Variants in LMX1A observed in about 807,000 individuals in gnomAD.
LMX1A encodes LIM homeobox transcription factor 1 alpha.
In LMX1A, 15 loss-of-function variants were observed where a neutral mutation model predicts 49.1. The ratio of observed to expected loss-of-function variants is 0.31; its 90% CI spans 0.20 to 0.47. The LOEUF (loss-of-function observed/expected upper bound fraction) is 0.47, where lower values mean the gene tolerates loss of function less well. Among genes scored for constraint, LMX1A ranks in the 20% least tolerant of loss-of-function variants. The pLI, the probability that LMX1A is intolerant of heterozygous loss-of-function variation, is 1.00. For missense variants in LMX1A, 372 were observed against 475.8 expected, an observed-to-expected ratio of 0.78 and a Z score of 2.03; for synonymous variants, 167 against 185.7, an observed-to-expected ratio of 0.90 and a Z score of 0.82.
At chr1:165,294,559 C>T (rs959152122) in intron 3 of LMX1A, among the ~76,000 whole-genome samples, 7 of 152,210 alleles carry the variant, frequency 4.6e-5, no homozygotes, top group African/African-American at 1.7e-4. Flanking sequence ...CCGGCAGTTT[C>T]TCTTCTAATA....
In LMX1A at chr1:165,248,510, T is replaced by C. The variant is rs143070464; in HGVS notation, c.496+898A>G. ...CATTCCATGTTTAATGTAGTCAGTG[T>C]TAATTTAATGTAATTTCTCTGACCT... On this transcript the variant is annotated intron_variant, in intron 4 of 8. Coordinates refer to ENST00000342310, the MANE Select transcript of LMX1A (RefSeq NM_177398.4). Among the ~76,000 whole-genome samples, 697 of 152,338 alleles carry C rather than the reference T, an allele frequency of 4.6e-3. 6 individuals carry two copies. The highest frequency in any genetic ancestry group is 0.016 in the African/African-American group (681 of 41,578).
chr1:165,240,633 A>G (rs921231167), intron 4 of LMX1A, among the ~76,000 whole-genome samples: 8 of 152,248 alleles, frequency 5.3e-5, no homozygotes, highest in African/African-American at 1.9e-4. Flanking sequence ...CTGGAAGGAC[A>G]TAAATAGATT....
intron 3 of LMX1A, among the ~76,000 whole-genome samples, chr1:165,269,667 G>A (rs780233838): frequency 6.6e-6 from 1 of 152,178 alleles, no homozygotes; most frequent in African/African-American, 2.4e-5. Flanking sequence ...TGGTAGATTG[G>A]ATTAAAAAAC....
intron 4 of LMX1A, among the ~76,000 whole-genome samples, chr1:165,243,627 C>T (rs547838910): frequency 1.3e-5 from 2 of 152,296 alleles, no homozygotes; most frequent in South Asian, 4.1e-4. Flanking sequence ...TCTTAGGGAG[C>T]ATTTCTGTCT....
At chr1:165,277,967 G>A (rs1557871483) in intron 3 of LMX1A, among the ~76,000 whole-genome samples, 1 of 152,210 alleles carries the variant, frequency 6.6e-6, no homozygotes, top group Admixed American at 6.5e-5. Flanking sequence ...AACTATAGTT[G>A]TAACAGCTAA....
Position 165,300,277 on chromosome 1 carries a change from G to A in LMX1A, c.264-50637C>T, listed in dbSNP as rs141343578. The stretch of plus-strand genomic sequence containing the variant: ...ATGCTCACAACTTTAGGCCCGATGT[G>A]TGACCTGTTTACTTAACTACCCACT... On this transcript the variant is annotated intron_variant, in intron 3 of 8. Transcript: ENST00000342310. 1.7e-3 allele frequency among the ~76,000 whole-genome samples: 253 copies of A among 152,342 alleles called. 1 individual carries two copies. Among genetic ancestry groups the A allele is most frequent in the African/African-American group, 5.3e-3 (220 of 41,576 alleles).
intron 3 of LMX1A, among the ~76,000 whole-genome samples, chr1:165,254,102 C>A (rs908744269): frequency 6.6e-6 from 1 of 152,138 alleles, no homozygotes; most frequent in South Asian, 2.1e-4. Context: ...AACTGTTAAA[C>A]AGACTCAAGG....
chr1:165,266,040 C>T (rs931348475), intron 3 of LMX1A, among the ~76,000 whole-genome samples: 2 of 152,148 alleles, frequency 1.3e-5, no homozygotes, highest in Non-Finnish European at 2.9e-5. Flanking sequence ...GCCTATGATT[C>T]TAGCTGCTAA....
chr1:165,222,303 C>T (rs1651881094), intron 4 of LMX1A, among the ~76,000 whole-genome samples: 1 of 152,196 alleles, frequency 6.6e-6, no homozygotes, highest in Non-Finnish European at 1.5e-5. Flanking sequence ...TAGATAAAAG[C>T]TCATTAATCC....
At chr1:165,287,239 G>C (rs1051693098) in intron 3 of LMX1A, among the ~76,000 whole-genome samples, 6 of 152,130 alleles carry the variant, frequency 3.9e-5, no homozygotes, top group Non-Finnish European at 8.8e-5. Context: ...TCTGAAGATG[G>C]TTCGGGGGCA....
intron 3 of LMX1A, among the ~76,000 whole-genome samples, chr1:165,291,129 C>T (rs1203341532): frequency 6.6e-6 from 1 of 152,170 alleles, no homozygotes; most frequent in Non-Finnish European, 1.5e-5. Context: ...CAGACATCAC[C>T]AATATTCTCC....
intron 3 of LMX1A, among the ~76,000 whole-genome samples, chr1:165,284,083 A>T (rs1283790004): frequency 6.6e-6 from 1 of 152,244 alleles, no homozygotes; most frequent in African/African-American, 2.4e-5. Context: ...GTCAAAAGAC[A>T]TAAATGTCCA....
intron 4 of LMX1A, among the ~76,000 whole-genome samples, chr1:165,245,890 G>A (rs1652835494): frequency 6.6e-6 from 1 of 151,824 alleles, no homozygotes; most frequent in Non-Finnish European, 1.5e-5. Flanking sequence ...TGCCACACCA[G>A]CCTTCCCTGC....
intron 4 of LMX1A, among the ~76,000 whole-genome samples, chr1:165,219,951 G>A (rs1228019511): frequency 6.6e-6 from 1 of 152,210 alleles, no homozygotes; most frequent in African/African-American, 2.4e-5. Context: ...CAGTGCAGGT[G>A]TCACCTGAGC....
intron 3 of LMX1A, among the ~76,000 whole-genome samples, chr1:165,267,438 C>T (rs1653660669): frequency 6.6e-6 from 1 of 152,176 alleles, no homozygotes; most frequent in African/African-American, 2.4e-5. Flanking sequence ...CATTCATGCA[C>T]ATTTGTGCTG....
At chr1:165,282,617 C>T (rs1654188325) in intron 3 of LMX1A, among the ~76,000 whole-genome samples, 2 of 152,120 alleles carry the variant, frequency 1.3e-5, no homozygotes, top group Admixed American at 1.3e-4. Flanking sequence ...CAAATATAAG[C>T]TTCACGTGGC....
intron 3 of LMX1A, among the ~76,000 whole-genome samples, chr1:165,316,370 G>A (rs148650477): frequency 4.6e-5 from 7 of 152,282 alleles, no homozygotes; most frequent in Middle Eastern, 3.4e-3. Context: ...CAGGGCCCAG[G>A]GACAGAGCAA....
chr1:165,255,481 C>A (rs1653204602), intron 3 of LMX1A, among the ~76,000 whole-genome samples: 1 of 152,212 alleles, frequency 6.6e-6, no homozygotes, highest in Non-Finnish European at 1.5e-5. Flanking sequence ...TGGGAGAACA[C>A]CACTTCATCA....
At chr1:165,240,520 T>C (rs867489615) in intron 4 of LMX1A, among the ~76,000 whole-genome samples, 8 of 152,238 alleles carry the variant, frequency 5.3e-5, no homozygotes, top group African/African-American at 1.9e-4. Context: ...TTCCTCTGCC[T>C]TTCTTTTTCT....
Sources: gnomAD v4.1 joint callset for allele counts (sites outside exome capture counted in the v4.1 genomes callset) on GRCh38, gnomAD v4.1.1 for gene constraint, MANE v1.5 for transcripts, NCBI Gene and HGNC (gene_info 2026-07-23, HGNC 2026-07-21) for gene names.